The following NCSTN variants were observed in gnomAD, a reference collection of about 807,000 sequenced individuals.
The protein encoded by NCSTN is anterior pharynx-defective 2.
Under a neutral mutation model 87.0 loss-of-function variants are expected in NCSTN, and 22 were observed. The ratio of observed to expected loss-of-function variants is 0.25; its 90% CI spans 0.18 to 0.36. The LOEUF (loss-of-function observed/expected upper bound fraction) is 0.36. Ranked by LOEUF, NCSTN falls within the 10% of genes least tolerant of loss-of-function variation. NCSTN has a pLI of 1.00. For synonymous variants in NCSTN, 306 were observed against 327.1 expected (o/e 0.94, Z 0.69); for missense variants, 693 against 883.3 (o/e 0.78, Z 2.73).
chr1:160,352,259 G>T, intron 8 of NCSTN, 53 bp downstream of exon 8: 42 of 1,609,284 alleles, frequency 2.6e-5, no homozygotes, highest in Non-Finnish European at 3.5e-5. Context: ...GGATAGTAAA[G>T]ATGAGAGTGG....
chr1:160,355,666 G>A lies in NCSTN; in HGVS notation c.1364G>A (p.Ser455Asn), dbSNP rs1649090424. Residue 455 changes from serine (S) to asparagine (N), a missense_variant, in exon 12 of 17, where the codon AGT becomes AAT. By Grantham distance (46) the Ser-to-Asn change is conservative (BLOSUM62 1). This residue lies in a region of NCSTN where 108 missense variants were observed against 111.6 expected (regional missense o/e 0.97). Transcript: ENST00000294785. ...GGCTTTCCTGGCAGATATTACCAGAGTATTTACGACACTGCTGAGAACATT... is the reference window on the plus strand; with the variant it reads ...GGCTTTCCTGGCAGATATTACCAGAATATTTACGACACTGCTGAGAACATT... Reference protein sequence around the residue: ...SGAFHNKYYQSIYDTAENINV... With the variant: ...SGAFHNKYYQNIYDTAENINV... The A allele has an allele frequency of 6.2e-7, 1 of 1,613,692 alleles. No individual in the cohort carries two copies. Among genetic ancestry groups the A allele is most frequent in the African/African-American group, 1.3e-5 (1 of 74,934 alleles).
chr1:160,346,631 A>T (rs560061697), intron 2 of NCSTN, among the ~76,000 whole-genome samples: 2 of 150,240 alleles, frequency 1.3e-5, no homozygotes, highest in Admixed American at 6.6e-5. Context: ...TTTGAGATGC[A>T]GTCTCGCCCT....
Position 160,350,249 on chromosome 1 carries a change from A to G in NCSTN, c.581A>G (p.Gln194Arg). 1 of 1,614,052 alleles carries G rather than the reference A, an allele frequency of 6.2e-7. No homozygotes were observed. Among genetic ancestry groups the G allele is most frequent in the Non-Finnish European group, 8.5e-7 (1 of 1,179,908 alleles). The change falls in exon 5 of 17, where the codon CAG becomes CGG. Residue 194 changes from glutamine (Q) to arginine (R), a missense_variant and splice_region_variant. Physicochemically the swap from Gln to Arg is conservative, Grantham distance 43. Coordinates refer to ENST00000294785, the MANE Select transcript of NCSTN (RefSeq NM_015331.3). ...EDENETKVIK[Q>R]CYQDHNLSQN... is the part of the protein sequence containing the mutation. ...GAAAATGAAACCAAAGTCATCAAGCAGGTAATGACACTGCCAGCTCCTAGC... is the reference window on the plus strand; with the variant it reads ...GAAAATGAAACCAAAGTCATCAAGCGGGTAATGACACTGCCAGCTCCTAGC...
At chr1:160,357,496 T>C (rs73031412) in intron 16 of NCSTN, among the ~76,000 whole-genome samples, 14,434 of 152,252 alleles carry the variant, frequency 0.095, 847 homozygotes, top group African/African-American at 0.16. Flanking sequence ...CCTCCGTCCC[T>C]TGGGTTTAAG....
At chr1:160,349,933 C>G (rs145470684) in intron 4 of NCSTN, among the ~76,000 whole-genome samples, 172 bp from the exon 5 acceptor site, 23 of 152,278 alleles carry the variant, frequency 1.5e-4, no homozygotes, top group Non-Finnish European at 2.9e-4. Flanking sequence ...TCCCTGATAC[C>G]ATTGTCTTTC....
chr1:160,349,550 G>A lies in NCSTN; in HGVS notation c.316G>A (p.Asp106Asn), dbSNP rs1169581011. 4 of 1,614,022 alleles carry A rather than the reference G, an allele frequency of 2.5e-6. No individual in the cohort carries two copies. Among genetic ancestry groups the A allele is most frequent in the Admixed American group, 3.3e-5 (2 of 59,996 alleles). The change falls in exon 4 of 17, where the codon GAT becomes AAT. Residue 106 changes from aspartate (D) to asparagine (N), a missense_variant and splice_region_variant. Physicochemically the swap from Asp to Asn is conservative, Grantham distance 23. Transcript: ENST00000294785. The stretch of plus-strand genomic sequence containing the variant: ...CATGGAATTCCTTTCCTATTCCAGG[G>A]ATTTAATGGAGAAGCTGAAAGGGAG... ...VLLESKHFTRDLMEKLKGRTS... is the reference protein window; with the variant it reads ...VLLESKHFTRNLMEKLKGRTS...
intron 2 of NCSTN, among the ~76,000 whole-genome samples, chr1:160,345,855 C>T (rs1416175150): frequency 7.1e-6 from 1 of 141,060 alleles, no homozygotes; most frequent in Non-Finnish European, 1.5e-5. Flanking sequence ...AGAAGAATCC[C>T]TTGAGCCCAG....
At chr1:160,352,576 T>C (rs935419959) in intron 8 of NCSTN, among the ~76,000 whole-genome samples, 1 of 152,256 alleles carries the variant, frequency 6.6e-6, no homozygotes, top group Non-Finnish European at 1.5e-5. Context: ...GAACAGCATC[T>C]GTGGCTGAGT....
intron 16 of NCSTN, 116 bp from the exon 17 acceptor site, chr1:160,358,033 G>C: frequency 7.6e-7 from 1 of 1,309,282 alleles, no homozygotes; most frequent in South Asian, 1.2e-5. Flanking sequence ...TTCCATAGTT[G>C]GTGCTTAGAG....
At chr1:160,348,452 A>C (rs900482368) in intron 2 of NCSTN, among the ~76,000 whole-genome samples, 12 of 152,346 alleles carry the variant, frequency 7.9e-5, no homozygotes, top group Admixed American at 4.6e-4. Context: ...GATCCATTCG[A>C]GGCTTATCAA....
intron 4 of NCSTN, 145 bp from the exon 5 acceptor site, chr1:160,349,960 G>A: frequency 9.5e-7 from 1 of 1,052,326 alleles, no homozygotes. Flanking sequence ...AGTGTGGATG[G>A]TAATAGACTT....
intron 8 of NCSTN, 72 bp downstream of exon 8, chr1:160,352,278 T>TGAGTAGAAGA (rs2101903479): frequency 6.3e-7 from 1 of 1,591,840 alleles, no homozygotes; most frequent in South Asian, 1.1e-5. Context: ...GGCTACTGGT[T>TGAGTAGAAGA]GGAGAAGACC....
At chr1:160,348,147 G>T (rs184886314) in intron 2 of NCSTN, among the ~76,000 whole-genome samples, 82 of 152,338 alleles carry the variant, frequency 5.4e-4, no homozygotes, top group African/African-American at 1.9e-3. Context: ...GAGACCCTAG[G>T]ATATCTCCAC....
chr1:160,349,081 C>A lies in NCSTN; in HGVS notation c.273C>A (p.Asn91Lys), dbSNP rs200450922. The A allele has an allele frequency of 9.9e-6, 16 of 1,614,022 alleles. No individual in the cohort carries two copies. The highest frequency in any genetic ancestry group is 1.3e-5 in the African/African-American group (1 of 74,924). ...DLQWVLTDGP[N>K]PPYMVLLESK... is the part of the protein sequence containing the mutation. Reference sequence around the variant, plus strand: ...AGTGGGTATTGACTGATGGCCCCAACCCCCCTTACATGGTTCTGCTGGAGA... The same window carrying A: ...AGTGGGTATTGACTGATGGCCCCAAACCCCCTTACATGGTTCTGCTGGAGA... Residue 91 changes from asparagine to lysine, a missense_variant, in exon 3 of 17, where the codon AAC becomes AAA. Asn to Lys is a moderately conservative substitution (Grantham distance 94, BLOSUM62 0). This residue lies in a region of NCSTN where 235 missense variants were observed against 233.9 expected (regional missense o/e 1.00). Coordinates refer to ENST00000294785, the MANE Select transcript of NCSTN (RefSeq NM_015331.3).
intron 9 of NCSTN, 55 bp from the exon 10 acceptor site, chr1:160,353,105 C>A: frequency 6.3e-7 from 1 of 1,595,812 alleles, no homozygotes; most frequent in Non-Finnish European, 8.6e-7. Flanking sequence ...ATCCCCTAGG[C>A]ATGGCCCAGA....
At chr1:160,354,050 G>T (rs1281861877) in intron 10 of NCSTN, 68 bp from the exon 11 acceptor site, 1 of 1,507,462 alleles carries the variant, frequency 6.6e-7, no homozygotes, top group Non-Finnish European at 9.2e-7. Flanking sequence ...AGCATTTCAG[G>T]CCTAAAAGAG....
chr1:160,353,120 G>A, intron 9 of NCSTN, 40 bp from the exon 10 acceptor site: 1 of 1,607,436 alleles, frequency 6.2e-7, no homozygotes, highest in Non-Finnish European at 8.5e-7. Flanking sequence ...CCCAGAACAG[G>A]AGACTGATTC....
intron 11 of NCSTN, 43 bp from the exon 12 acceptor site, chr1:160,355,612 C>T (rs1649086816): frequency 6.9e-7 from 1 of 1,448,978 alleles, no homozygotes; most frequent in Admixed American, 1.7e-5. Flanking sequence ...GGGGCAGAGC[C>T]CTGGCTAAAT....
chr1:160,346,813 G>T (rs1648518602), intron 2 of NCSTN, among the ~76,000 whole-genome samples: 1 of 151,994 alleles, frequency 6.6e-6, no homozygotes, highest in African/African-American at 2.4e-5. Flanking sequence ...CACCATGTTG[G>T]CCAGGCTGGT....
Sources: allele counts gnomAD v4.1 joint callset (sites outside exome capture counted in the v4.1 genomes callset), GRCh38; gene constraint gnomAD v4.1.1; regional missense constraint gnomAD v4.1.1; transcripts MANE v1.5; gene names NCBI Gene and HGNC (gene_info 2026-07-23, HGNC 2026-07-21).